Variants in TSPAN19 observed in about 807,000 individuals in gnomAD.
The protein encoded by TSPAN19 is tetraspanin 19, also known as tetraspanin-19.
TSPAN19 carries 44 observed loss-of-function variants against 35.1 expected under a neutral mutation model. The ratio of observed to expected loss-of-function variants is 1.25; its 90% CI spans 0.98 to 1.61. TSPAN19 has a LOEUF of 1.61. Ranked by LOEUF, TSPAN19 falls within the 40% of genes most tolerant of loss-of-function variation. The pLI, the probability that TSPAN19 is intolerant of heterozygous loss-of-function variation, is 0.00. For missense variants in TSPAN19, 290 were observed against 280.0 expected (o/e 1.04, Z -0.26); for synonymous variants, 79 against 92.0 (o/e 0.86, Z 0.81).
chr12:85,027,151 C>T (rs958975020), intron 4 of TSPAN19, among the ~76,000 whole-genome samples: 4 of 152,100 alleles, frequency 2.6e-5, no homozygotes, highest in African/African-American at 4.8e-5. Flanking sequence ...CGTTACAAGC[C>T]TCGAGAGAAA....
At chr12:85,032,424 G>T (rs1014595147) in intron 1 of TSPAN19, among the ~76,000 whole-genome samples, 12 of 152,140 alleles carry the variant, frequency 7.9e-5, no homozygotes, top group African/African-American at 2.4e-4. Context: ...GAGAAAGACA[G>T]TTCTAGATCA....
chr12:85,035,762 C>T (rs1052727245), intron 1 of TSPAN19, among the ~76,000 whole-genome samples: 2 of 152,008 alleles, frequency 1.3e-5, no homozygotes, highest in South Asian at 4.1e-4. Context: ...AATTAAATAG[C>T]ATGACATAAA....
At chr12:85,028,703 G>A (rs936071100) in intron 3 of TSPAN19, among the ~76,000 whole-genome samples, 4 of 152,176 alleles carry the variant, frequency 2.6e-5, no homozygotes, top group South Asian at 2.1e-4. Flanking sequence ...AGCCAATTGT[G>A]ATATTTTCAG....
chr12:85,023,456 G>A, intron 4 of TSPAN19, 56 bp from the exon 5 acceptor site: 1 of 1,363,986 alleles, frequency 7.3e-7, no homozygotes, highest in Non-Finnish European at 1.0e-6. Context: ...TGTTTTGTAT[G>A]CTCAAATAAT....
chr12:85,034,127 A>G (rs1041023253), intron 1 of TSPAN19, among the ~76,000 whole-genome samples: 10 of 152,150 alleles, frequency 6.6e-5, no homozygotes, highest in African/African-American at 2.4e-4. Flanking sequence ...TAAGTGGAAC[A>G]AGAGAATGAG....
chr12:85,033,050 G>A (rs1207186771), intron 1 of TSPAN19, among the ~76,000 whole-genome samples: 1 of 152,104 alleles, frequency 6.6e-6, no homozygotes, highest in East Asian at 1.9e-4. Flanking sequence ...GTAAGAGAAT[G>A]TCAAGGAGTC....
In TSPAN19 at chr12:85,014,397, A is replaced by T; in HGVS notation, c.*90T>A. 1 of 863,618 alleles carries T rather than the reference A, an allele frequency of 1.2e-6. No individual in the cohort carries two copies. Among genetic ancestry groups the T allele is most frequent in the Non-Finnish European group, 1.8e-6 (1 of 557,062 alleles). The allele number at this position is 863,618 out of a possible 1,614,324, so 53.5% of individuals were successfully genotyped here. Reference sequence around the variant, plus strand: ...ATAATTTGAATACATCTGTTATTTAATACAATTCAAAACGTTTTTGGAATA... The same window carrying T: ...ATAATTTGAATACATCTGTTATTTATTACAATTCAAAACGTTTTTGGAATA... On this transcript the variant is annotated 3_prime_UTR_variant, in exon 9 of 9. Coordinates refer to ENST00000532498, the MANE Select transcript of TSPAN19 (RefSeq NM_001100917.2).
chr12:85,024,881 T>G (rs550149149), intron 4 of TSPAN19: 1 of 152,256 alleles, frequency 6.6e-6, no homozygotes, highest in Admixed American at 6.5e-5. Flanking sequence ...TATTATTTAT[T>G]TACTTTTTAC....
chr12:85,017,316 C>T (rs554315315), intron 7 of TSPAN19, 140 bp downstream of exon 7: 2 of 712,808 alleles, frequency 2.8e-6, no homozygotes, highest in East Asian at 2.8e-5. Flanking sequence ...ACGTGTTCAA[C>T]TTAGGGAAGT....
intron 4 of TSPAN19, 117 bp downstream of exon 4, chr12:85,027,782 A>G: frequency 9.6e-7 from 1 of 1,038,216 alleles, no homozygotes; most frequent in Non-Finnish European, 1.4e-6. Flanking sequence ...CATTTGAATT[A>G]CTCTAAGGAC....
rs766122578 is a variant in TSPAN19, at chr12:85,019,599, CTAAT to C, written c.450+23_450+26del. 4 of 1,418,948 alleles carry C rather than the reference CTAAT, an allele frequency of 2.8e-6. No individual in the cohort carries two copies. The Admixed American group carries it at 5.1e-5, about 18-fold the overall frequency. The allele number at this position is 1,418,948 out of a possible 1,614,324, so 87.9% of individuals were successfully genotyped here. On this transcript the variant is annotated intron_variant, in intron 6 of 8. Coordinates refer to ENST00000532498, the MANE Select transcript of TSPAN19 (RefSeq NM_001100917.2). Reference sequence around the variant, plus strand: ...GTCCCACAGTGGTCAATACTGACATCTAATTTTTTAGTTAATTTCATCTTACTGT... The same window carrying C: ...GTCCCACAGTGGTCAATACTGACATCTTTTTAGTTAATTTCATCTTACTGT...
In TSPAN19 at chr12:85,020,974, C is replaced by T. The variant is rs528908331; in HGVS notation, c.340-1238G>A. 4.1e-4 allele frequency among the ~76,000 whole-genome samples: 63 copies of T among 152,002 alleles called. 2 individuals are homozygous for T. The South Asian group carries it at 0.013, about 31-fold the overall frequency. The stretch of plus-strand genomic sequence containing the variant: ...TAACTTTTTCTCTCCAATACTAACA[C>T]AAAAATGATCAGATTTGGATGGGGA... On this transcript the variant is annotated intron_variant, in intron 5 of 8. Transcript: ENST00000532498.
chr12:85,022,836 G>C (rs1178172333), intron 5 of TSPAN19, among the ~76,000 whole-genome samples: 2 of 152,066 alleles, frequency 1.3e-5, no homozygotes, highest in East Asian at 1.9e-4. Context: ...AACTAAATTT[G>C]ATAAACCTAA....
intron 8 of TSPAN19, 76 bp downstream of exon 8, chr12:85,015,812 A>C: frequency 9.5e-7 from 1 of 1,056,360 alleles, no homozygotes; most frequent in Non-Finnish European, 1.4e-6. Context: ...TTAGGTCTCC[A>C]CCTGATTGCT....
chr12:85,033,913 A>G (rs10506910), intron 1 of TSPAN19, among the ~76,000 whole-genome samples: 19,945 of 152,176 alleles, frequency 0.13, 1,548 homozygotes, highest in Middle Eastern at 0.26. Context: ...ATCTCGTTAT[A>G]TCATAAGGCT....
intron 4 of TSPAN19, among the ~76,000 whole-genome samples, chr12:85,025,112 G>A (rs1313751894): frequency 6.6e-6 from 1 of 151,136 alleles, no homozygotes; most frequent in Non-Finnish European, 1.5e-5. Context: ...TAAGGGATTG[G>A]TAGAGGCAGG....
chr12:85,019,044 AAAT>A (rs1876974419), intron 6 of TSPAN19, among the ~76,000 whole-genome samples: 1 of 151,914 alleles, frequency 6.6e-6, no homozygotes, highest in African/African-American at 2.4e-5. Context: ...CTGCACTGTG[AAAT>A]AATAATCTTT....
In TSPAN19 at chr12:85,019,611, T is replaced by C. The variant is rs200865480; in HGVS notation, c.450+15A>G. ...TCAATACTGACATCTAATTTTTTAG[T>C]TAATTTCATCTTACTGTTTTCTGTA... On this transcript the variant is annotated intron_variant, in intron 6 of 8. Transcript: ENST00000532498. 1 of 1,518,898 alleles carries C rather than the reference T, an allele frequency of 6.6e-7. No individual in the cohort carries two copies. The highest frequency in any genetic ancestry group is 2.3e-5 in the East Asian group (1 of 44,210). The allele number at this position is 1,518,898 out of a possible 1,614,324, so 94.1% of individuals were successfully genotyped here. A position where few individuals can be genotyped will look rare whatever the true frequency, so the allele number is the denominator to read the frequency against.
At chr12:85,016,560 T>C (rs1876817587) in intron 7 of TSPAN19, 1 of 151,950 alleles carries the variant, frequency 6.6e-6, no homozygotes, top group African/African-American at 2.4e-5. Context: ...TGAAGATGAC[T>C]ACTAAGTGAC....
Sources: allele counts gnomAD v4.1 joint callset (sites outside exome capture counted in the v4.1 genomes callset), GRCh38; gene constraint gnomAD v4.1.1; transcripts MANE v1.5; gene names NCBI Gene and HGNC (gene_info 2026-07-23, HGNC 2026-07-21).